The following PRCC variants were observed in gnomAD, a reference collection of about 807,000 sequenced individuals.
PRCC encodes the protein proline-rich protein PRCC.
Under a neutral mutation model 44.0 loss-of-function variants are expected in PRCC, and 10 were observed. That is an observed-to-expected ratio of 0.23 (90% CI 0.14 to 0.39). The LOEUF (loss-of-function observed/expected upper bound fraction) is 0.39. Among genes scored for constraint, PRCC ranks in the 10% least tolerant of loss-of-function variants. PRCC has a pLI of 1.00. For synonymous variants in PRCC, 278 were observed against 259.5 expected (o/e 1.07, Z -0.69); for missense variants, 573 against 624.7 (o/e 0.92, Z 0.88).
rs145001415 is a variant in PRCC, at chr1:156,788,249, C to T, written c.1083+1075C>T. 2.1e-3 allele frequency among the ~76,000 whole-genome samples: 326 copies of T among 152,258 alleles called. 2 individuals carry two copies. Among genetic ancestry groups the T allele is most frequent in the African/African-American group, 7.3e-3 (304 of 41,530 alleles). ...TTTAGTTCCTATTTATAAGTGAAAACGTGGTATTTGGTTTTCTGTTTCTAT... is the reference window on the plus strand; with the variant it reads ...TTTAGTTCCTATTTATAAGTGAAAATGTGGTATTTGGTTTTCTGTTTCTAT... On this transcript the variant is annotated intron_variant, in intron 3 of 6. Transcript: ENST00000271526.
At chr1:156,798,061 A>C (rs908844357) in intron 6 of PRCC, among the ~76,000 whole-genome samples, 4 of 150,716 alleles carry the variant, frequency 2.7e-5, no homozygotes, top group African/African-American at 9.8e-5. Flanking sequence ...CTCCTACCTC[A>C]GTCTCCTAAG....
In PRCC at chr1:156,775,279, G is replaced by T. The variant is rs887152302; in HGVS notation, c.469-7003G>T. Among the ~76,000 whole-genome samples the T allele has an allele frequency of 3.3e-5, 5 of 151,900 alleles. No homozygotes were observed. The East Asian group carries it at 9.7e-4, about 29-fold the overall frequency. ...AAAATTGTTTTTGTGTGGAGATGGG[G>T]GTCTTACTATGTTATCTGGGCTGGC... On this transcript the variant is annotated intron_variant, in intron 1 of 6. Transcript: ENST00000271526.
At chr1:156,777,413 A>C (rs1268510164) in intron 1 of PRCC, among the ~76,000 whole-genome samples, 1 of 152,192 alleles carries the variant, frequency 6.6e-6, no homozygotes, top group Non-Finnish European at 1.5e-5. Context: ...ATGAAAAATG[A>C]GTAAATTGCC....
At chr1:156,772,221 C>T (rs1257063483) in intron 1 of PRCC, among the ~76,000 whole-genome samples, 1 of 152,166 alleles carries the variant, frequency 6.6e-6, no homozygotes, top group African/African-American at 2.4e-5. Flanking sequence ...GGATGGCCAC[C>T]CACACCTTGG....
intron 4 of PRCC, among the ~76,000 whole-genome samples, chr1:156,793,626 C>T (rs552790219): frequency 3.3e-5 from 5 of 151,944 alleles, no homozygotes; most frequent in Admixed American, 6.6e-5. Flanking sequence ...TCTGTTGATT[C>T]GGTGATACCG....
intron 2 of PRCC, among the ~76,000 whole-genome samples, chr1:156,783,701 G>A (rs764727734): frequency 6.6e-6 from 1 of 151,906 alleles, no homozygotes; most frequent in East Asian, 1.9e-4. Flanking sequence ...AGCTGAGATC[G>A]TGCCACTGCA....
rs544569769 is a variant in PRCC at position 156,783,480 on chromosome 1, G to A, written c.516+1151G>A. Among the ~76,000 whole-genome samples, 86 of 152,240 alleles carry A rather than the reference G, an allele frequency of 5.6e-4. 1 individual carries two copies. Among genetic ancestry groups the A allele is most frequent in the African/African-American group, 1.9e-3 (79 of 41,560 alleles). On this transcript the variant is annotated intron_variant, in intron 2 of 6. Transcript: ENST00000271526. ...AGTGGCTGTCTTGCCTGGCACGGTG[G>A]CTCATGCCTGTAATCCCAACACTGG...
intron 5 of PRCC, chr1:156,796,304 C>T (rs756908736): frequency 6.6e-6 from 1 of 152,108 alleles, no homozygotes; most frequent in East Asian, 1.9e-4. Flanking sequence ...TTCTTGCCAC[C>T]GTCTCATTAT....
intron 1 of PRCC, among the ~76,000 whole-genome samples, chr1:156,781,476 G>A (rs2102760840): frequency 6.6e-6 from 1 of 152,250 alleles, no homozygotes; most frequent in African/African-American, 2.4e-5. Context: ...CATGGCTGGG[G>A]GAATAATTTT....
At chr1:156,787,892 C>CA (rs1310628637) in intron 3 of PRCC, among the ~76,000 whole-genome samples, 2 of 151,858 alleles carry the variant, frequency 1.3e-5, no homozygotes, top group Non-Finnish European at 2.9e-5. Flanking sequence ...AGTGCAGTGG[C>CA]ACGATCTTGA....
chr1:156,790,192 G>C (rs1652425320), intron 3 of PRCC, among the ~76,000 whole-genome samples: 1 of 152,276 alleles, frequency 6.6e-6, no homozygotes, highest in African/African-American at 2.4e-5. Context: ...TGAAGAGAGA[G>C]GGCTTTGTGG....
chr1:156,771,353 G>A (rs1651627125), intron 1 of PRCC, among the ~76,000 whole-genome samples: 1 of 152,206 alleles, frequency 6.6e-6, no homozygotes, highest in African/African-American at 2.4e-5. Flanking sequence ...ACCCCTTAAA[G>A]GCAAGAATTC....
chr1:156,791,225 G>C (rs932963551), intron 3 of PRCC: 25 of 1,171,946 alleles, frequency 2.1e-5, no homozygotes, highest in Non-Finnish European at 2.8e-5. Flanking sequence ...CTCCCCACCC[G>C]GTTTAGACTG....
intron 1 of PRCC, among the ~76,000 whole-genome samples, chr1:156,779,952 A>G (rs1651994082): frequency 6.6e-6 from 1 of 151,394 alleles, no homozygotes; most frequent in Non-Finnish European, 1.5e-5. Context: ...GTACAGTGGC[A>G]CAATCTCAGC....
chr1:156,777,969 A>G (rs769047566), intron 1 of PRCC, among the ~76,000 whole-genome samples: 5 of 152,246 alleles, frequency 3.3e-5, no homozygotes, highest in Non-Finnish European at 7.3e-5. Context: ...AGGATACAAG[A>G]TGATGTTAAG....
intron 1 of PRCC, among the ~76,000 whole-genome samples, chr1:156,771,752 A>C (rs1438118057): frequency 6.6e-6 from 1 of 151,406 alleles, no homozygotes; most frequent in African/African-American, 2.4e-5. Context: ...GCTGGTCTTG[A>C]ACTCTTGAGC....
rs970102369 is a variant in PRCC at position 156,782,157 on chromosome 1, CTG to C, written c.469-123_469-122del. 9.0e-6 allele frequency: 7 copies of C among 777,628 alleles called. No individual in the cohort carries two copies. In the African/African-American group the frequency reaches 1.0e-4, roughly 11 times the overall value. 48.2% of individuals were successfully genotyped at this position (777,628 alleles called of 1,614,324 possible). ...GACTGGGCCTGGGGTGAGTGTACCT[CTG>C]TACAGAGGTGGGGCACAGACAAGAT... On this transcript the variant is annotated intron_variant, in intron 1 of 6. Coordinates refer to ENST00000271526, the MANE Select transcript of PRCC (RefSeq NM_005973.5).
At chr1:156,791,654 TGTGCCCTCA>T (rs757268124) in intron 3 of PRCC, 34 bp from the exon 4 acceptor site, 1 of 1,568,568 alleles carries the variant, frequency 6.4e-7, no homozygotes, top group Admixed American at 1.8e-5. Context: ...CCTCTCCAAC[TGTGCCCTCA>T]GTTGGTGTGT....
intron 1 of PRCC, among the ~76,000 whole-genome samples, chr1:156,775,467 C>T (rs959357663): frequency 6.6e-6 from 1 of 151,632 alleles, no homozygotes; most frequent in Non-Finnish European, 1.5e-5. Flanking sequence ...CCTCCTACCT[C>T]AGCCTTCTGA....
Sources: gnomAD v4.1 joint callset for allele counts (sites outside exome capture counted in the v4.1 genomes callset) on GRCh38, gnomAD v4.1.1 for gene constraint, MANE v1.5 for transcripts, NCBI Gene and HGNC (gene_info 2026-07-23, HGNC 2026-07-21) for gene names.